Variants in DECR1 observed in about 807,000 individuals in gnomAD.
DECR1 encodes the protein 2,4-dienoyl-CoA reductase 1.
DECR1 carries 44 observed loss-of-function variants against 38.8 expected under a neutral mutation model. The ratio of observed to expected loss-of-function variants is 1.13; its 90% CI spans 0.89 to 1.46. DECR1 has a LOEUF of 1.46. DECR1 is among the 40% of genes most tolerant of loss of function. DECR1 has a pLI of 0.00. For missense variants in DECR1, 428 were observed against 405.5 expected (o/e 1.06, Z -0.48); for synonymous variants, 148 against 135.2 (o/e 1.09, Z -0.66).
intron 1 of DECR1, chr8:90,006,264 T>A (rs1812737817): frequency 1.4e-6 from 1 of 704,044 alleles, no homozygotes; most frequent in Non-Finnish European, 2.6e-6. Context: ...AAGCATCTCC[T>A]GCTCATGGGG....
chr8:90,044,934 A>G lies in DECR1; in HGVS notation c.824A>G (p.Glu275Gly), dbSNP rs1439959739. 5 of 1,613,842 alleles carry G rather than the reference A, an allele frequency of 3.1e-6. No homozygotes were observed. The East Asian group carries it at 1.1e-4, about 36-fold the overall frequency. ...CCCTGTGGTCGCCTGGGGACTGTAGAAGAACTCGCAAATCTTGCTGCTTTC... is the reference window on the plus strand; with the variant it reads ...CCCTGTGGTCGCCTGGGGACTGTAGGAGAACTCGCAAATCTTGCTGCTTTC... ...RIPCGRLGTVEELANLAAFLC... is the reference protein window; with the variant it reads ...RIPCGRLGTVGELANLAAFLC... Residue 275 changes from glutamate (E) to glycine (G), a missense_variant, in exon 8 of 10, where the codon GAA becomes GGA. Coordinates refer to ENST00000220764, the MANE Select transcript of DECR1 (RefSeq NM_001359.2).
chr8:90,001,987 C>T (rs779569963), intron 1 of DECR1, among the ~76,000 whole-genome samples: 1 of 152,074 alleles, frequency 6.6e-6, no homozygotes, highest in Non-Finnish European at 1.5e-5. Context: ...AGAGGACCAC[C>T]AGGTCCCGGA....
At chr8:90,029,354 A>G (rs545818933) in intron 5 of DECR1, 1 of 152,330 alleles carries the variant, frequency 6.6e-6, no homozygotes, top group African/African-American at 2.4e-5. Flanking sequence ...CTTTGGTGGA[A>G]ATAACTTTTA....
chr8:90,021,343 T>C (rs572711069), intron 5 of DECR1, among the ~76,000 whole-genome samples: 1 of 152,162 alleles, frequency 6.6e-6, no homozygotes, highest in South Asian at 2.1e-4. Context: ...TTCAAAGATC[T>C]AGATGTGGAG....
At chr8:90,051,019 C>T (rs936720842) in intron 8 of DECR1, among the ~76,000 whole-genome samples, 22 of 151,612 alleles carry the variant, frequency 1.5e-4, no homozygotes, top group African/African-American at 1.7e-4. Context: ...CATGGGGGCC[C>T]GTCGTGGGGT....
chr8:90,023,921 A>G (rs1056693567), intron 5 of DECR1, among the ~76,000 whole-genome samples: 4 of 152,074 alleles, frequency 2.6e-5, no homozygotes, highest in African/African-American at 7.2e-5. Context: ...CCTGTGTCCA[A>G]GTGTTCTTAT....
rs764415254 is a variant in DECR1 at position 90,017,204 on chromosome 8, G to A, written c.150G>A (p.Ala50=). ...QSKFFSPLQK[A]MLPPNSFQGK... ...AATTCTTTTCACCTCTTCAAAAAGC[G>A]ATGCTACCACCTAATAGTTTTCAAG... is the stretch of plus-strand genomic sequence containing the variant. The change falls in exon 2 of 10, where the codon GCG becomes GCA. Residue 50 remains alanine, a synonymous_variant. Transcript: ENST00000220764. The A allele has an allele frequency of 1.1e-5, 18 of 1,613,952 alleles. No individual in the cohort carries two copies. The highest frequency in any genetic ancestry group is 3.3e-4 in the Middle Eastern group (2 of 6,084).
chr8:90,024,670 G>T (rs1813280739), intron 5 of DECR1, among the ~76,000 whole-genome samples: 1 of 152,120 alleles, frequency 6.6e-6, no homozygotes, highest in South Asian at 2.1e-4. Flanking sequence ...TCTGTAGGTT[G>T]CCTGTTCACT....
At position 90,036,867 on chromosome 8, in the gene DECR1, A is replaced by T. The variant is rs1325388372; in HGVS notation, c.592A>T (p.Ile198Phe). Reference protein sequence around the residue: ...KGAAFLSITTIYAETGSGFVV... With the variant: ...KGAAFLSITTFYAETGSGFVV... Reference sequence around the variant, plus strand: ...AGCAGCATTTCTTTCTATTACTACTATCTATGCTGAGACTGGTTCAGGTTT... The same window carrying T: ...AGCAGCATTTCTTTCTATTACTACTTTCTATGCTGAGACTGGTTCAGGTTT... Residue 198 changes from isoleucine to phenylalanine, a missense_variant, in exon 6 of 10, where the codon ATC (isoleucine) becomes TTC (phenylalanine). Transcript: ENST00000220764. 4 of 1,613,208 alleles carry T rather than the reference A, an allele frequency of 2.5e-6. No homozygotes were observed. The highest frequency in any genetic ancestry group is 3.4e-6 in the Non-Finnish European group (4 of 1,179,612).
intron 1 of DECR1, among the ~76,000 whole-genome samples, chr8:90,007,994 G>T (rs1483915028): frequency 2.0e-5 from 3 of 152,216 alleles, no homozygotes; most frequent in Non-Finnish European, 4.4e-5. Flanking sequence ...TAAAAGCAGT[G>T]ATAGAACTGT....
intron 6 of DECR1, chr8:90,042,508 A>T (rs1813786487): frequency 1.8e-6 from 1 of 561,300 alleles, no homozygotes; most frequent in South Asian, 2.1e-5. Context: ...CTGAAGCTAG[A>T]CCTCTTGAGA....
intron 8 of DECR1, among the ~76,000 whole-genome samples, chr8:90,045,901 T>G (rs189772186): frequency 6.6e-6 from 1 of 152,312 alleles, no homozygotes; most frequent in East Asian, 1.9e-4. Flanking sequence ...CAGCCTCCAC[T>G]GGTGATACCC....
At chr8:90,006,138 G>A in intron 1 of DECR1, 1 of 695,150 alleles carries the variant, frequency 1.4e-6, no homozygotes, top group South Asian at 1.5e-5. Context: ...TTCAACATGA[G>A]TTTTCAAGGG....
intron 5 of DECR1, among the ~76,000 whole-genome samples, chr8:90,034,795 A>G (rs908015383): frequency 2.6e-5 from 4 of 152,172 alleles, no homozygotes; most frequent in Non-Finnish European, 5.9e-5. Context: ...CCTAGACACT[A>G]TTGACCACTG....
At position 90,020,923 on chromosome 8, in the gene DECR1, T is replaced by C. The variant is rs137904244; in HGVS notation, c.432T>C (p.Asn144=). ...TCATTTATTAGATTGTGATAAACAA[T>C]GCAGCAGGGAATTTTATTTCTCCTA... ...VAGHPNIVIN[N]AAGNFISPTE... is the part of the protein sequence containing the mutation. The change falls in exon 5 of 10, where the codon AAT becomes AAC. Residue 144 remains asparagine, a synonymous_variant. Coordinates refer to ENST00000220764, the MANE Select transcript of DECR1 (RefSeq NM_001359.2). The C allele has an allele frequency of 7.2e-4, 1,141 of 1,575,404 alleles. 4 individuals are homozygous for C. The highest frequency in any genetic ancestry group is 5.5e-4 in the South Asian group (46 of 83,924).
rs570829481 is a variant in DECR1, at chr8:90,001,621, G to A, written c.69+60G>A. On this transcript the variant is annotated intron_variant, in intron 1 of 9. Transcript: ENST00000220764. ...GGCGTCTCGACGCGCAAAGAGAGAG[G>A]ACAGGGCGTCACGGGGGCTCGGGGA... The A allele has an allele frequency of 5.3e-6, 8 of 1,507,720 alleles. No homozygotes were observed. In the South Asian group the frequency reaches 8.0e-5, roughly 15 times the overall value. 93.4% of individuals were successfully genotyped at this position (1,507,720 alleles called of 1,614,324 possible). A position where few individuals can be genotyped will look rare whatever the true frequency, so the allele number is the denominator to read the frequency against.
chr8:90,040,906 C>T (rs1813745606), intron 6 of DECR1, among the ~76,000 whole-genome samples: 1 of 152,176 alleles, frequency 6.6e-6, no homozygotes, highest in Non-Finnish European at 1.5e-5. Context: ...TAAGTCTTTG[C>T]TATTAAGAAC....
chr8:90,045,071 C>T (rs748504082), intron 8 of DECR1, 76 bp downstream of exon 8: 1 of 1,317,000 alleles, frequency 7.6e-7, no homozygotes, highest in Admixed American at 1.7e-5. Flanking sequence ...TGGAACCAAT[C>T]CTGACAATGC....
intron 6 of DECR1, among the ~76,000 whole-genome samples, chr8:90,039,568 A>G (rs189225243): frequency 6.6e-6 from 1 of 152,252 alleles, no homozygotes; most frequent in African/African-American, 2.4e-5. Flanking sequence ...TTGGGTGGGG[A>G]CACAGAGCCA....
Sources: gnomAD v4.1 joint callset for allele counts (sites outside exome capture counted in the v4.1 genomes callset) on GRCh38, gnomAD v4.1.1 for gene constraint, MANE v1.5 for transcripts, NCBI Gene and HGNC (gene_info 2026-07-23, HGNC 2026-07-21) for gene names.